The following ENOX2 variants were observed in gnomAD, a reference collection of about 807,000 sequenced individuals.
ENOX2 encodes the protein APK1 antigen.
In ENOX2, 36 loss-of-function variants were observed where a neutral mutation model predicts 45.0. That is an observed-to-expected ratio of 0.80 (90% CI 0.61 to 1.06). The LOEUF is 1.06. ENOX2 is among the 50% of genes least tolerant of loss of function. The pLI, the probability that ENOX2 is intolerant of heterozygous loss-of-function variation, is 0.00. For missense variants in ENOX2, 423 were observed against 462.5 expected, an observed-to-expected ratio of 0.91 and a Z score of 0.78; for synonymous variants, 174 against 152.3, an observed-to-expected ratio of 1.14 and a Z score of -1.05.
intron 2 of ENOX2, among the ~76,000 whole-genome samples, chrX:130,809,298 A>T (rs1198787889): frequency 8.9e-6 from 1 of 112,458 alleles, no homozygotes; most frequent in African/African-American, 3.2e-5. Flanking sequence ...CCACAATTTT[A>T]ACAAGTGTTA....
At chrX:130,854,863 G>C (rs2078279231) in intron 2 of ENOX2, among the ~76,000 whole-genome samples, 1 of 111,616 alleles carries the variant, frequency 9.0e-6, no homozygotes, top group African/African-American at 3.3e-5. Flanking sequence ...AAATTCAGCA[G>C]TGATTCACAA....
At chrX:130,818,482 T>C (rs915516516) in intron 2 of ENOX2, among the ~76,000 whole-genome samples, 4 of 111,923 alleles carry the variant, frequency 3.6e-5, no homozygotes, top group African/African-American at 1.3e-4. Flanking sequence ...GGCATCACGC[T>C]ACCTGACTTC....
rs780367909 is a variant in ENOX2, at chrX:130,896,204, A to G, written c.-183+5480T>C. 3.1e-3 allele frequency among the ~76,000 whole-genome samples: 343 copies of G among 111,683 alleles called. 1 individual carries two copies. The highest frequency in any genetic ancestry group is 1.0e-2 in the African/African-American group (307 of 30,762). ...CAGAAACCCTGGAAAAGCTGACACA[A>G]TCATAACTCTCACATCACCAGCAGG... is the stretch of plus-strand genomic sequence containing the variant. On this transcript the variant is annotated intron_variant, in intron 2 of 14. Coordinates refer to ENST00000394363, the MANE Select transcript of ENOX2 (RefSeq NM_006375.4).
chrX:130,859,365 A>C (rs1047367655), intron 2 of ENOX2, among the ~76,000 whole-genome samples: 18 of 112,345 alleles, frequency 1.6e-4, no homozygotes, highest in African/African-American at 5.8e-4. Context: ...AAACAAAAAA[A>C]CAAAAAAAAT....
At position 130,832,440 on chromosome X, in the gene ENOX2, TACACACACAC is replaced by T. The variant is rs61623401; in HGVS notation, c.-182-48760_-182-48751del. Among the ~76,000 whole-genome samples, 6 of 91,075 alleles carry T rather than the reference TACACACACAC, an allele frequency of 6.6e-5. No homozygotes were observed. The East Asian group carries it at 1.0e-3, about 16-fold the overall frequency. The allele number at this position is 91,075 out of a possible 115,157, so 79.1% of individuals were successfully genotyped here. Reference sequence around the variant, plus strand: ...CCTTACACACACACACACACACACATACACACACACACACACACACACACACACACCCCAC... The same window carrying T: ...CCTTACACACACACACACACACACATACACACACACACACACACACCCCAC... On this transcript the variant is annotated intron_variant, in intron 2 of 14. Coordinates refer to ENST00000394363, the MANE Select transcript of ENOX2 (RefSeq NM_006375.4).
chrX:130,745,103 C>T (rs1263738929), intron 3 of ENOX2, among the ~76,000 whole-genome samples: 5 of 111,390 alleles, frequency 4.5e-5, no homozygotes, highest in African/African-American at 6.5e-5. Flanking sequence ...AGGTTGCGGA[C>T]GGCTGTGCTA....
chrX:130,781,131 A>G (rs555096293), intron 3 of ENOX2, among the ~76,000 whole-genome samples: 1 of 112,341 alleles, frequency 8.9e-6, no homozygotes, highest in Admixed American at 9.4e-5. Flanking sequence ...AAAATTGTTC[A>G]AGTATAAATT....
chrX:130,860,058 C>T lies in ENOX2; in HGVS notation c.-183+41626G>A, dbSNP rs759074959. On this transcript the variant is annotated intron_variant, in intron 2 of 14. Transcript: ENST00000394363. ...GCAACCTCTGCCTCCTGGGATCAAGCGATTCTGTTGTGTCAGCCTCCTGAG... is the reference window on the plus strand; with the variant it reads ...GCAACCTCTGCCTCCTGGGATCAAGTGATTCTGTTGTGTCAGCCTCCTGAG... Among the ~76,000 whole-genome samples, 157 of 110,290 alleles carry T rather than the reference C, an allele frequency of 1.4e-3. 1 individual carries two copies. Among genetic ancestry groups the T allele is most frequent in the Non-Finnish European group, 2.7e-3 (140 of 52,773 alleles).
chrX:130,632,110 C>G (rs1479191646), intron 12 of ENOX2, among the ~76,000 whole-genome samples: 1 of 111,388 alleles, frequency 9.0e-6, no homozygotes, highest in Non-Finnish European at 1.9e-5. Context: ...TGCCAATCCA[C>G]TGATAGTGAA....
intron 2 of ENOX2, among the ~76,000 whole-genome samples, chrX:130,857,224 G>A (rs1342100258): frequency 1.8e-5 from 2 of 112,421 alleles, no homozygotes; most frequent in Non-Finnish European, 3.8e-5. Context: ...AGCATAGAGT[G>A]TATGATCCCA....
At position 130,901,119 on chromosome X, in the gene ENOX2, C is replaced by T. The variant is rs758199253; in HGVS notation, c.-183+565G>A. The stretch of plus-strand genomic sequence containing the variant: ...ATGACAGTTAATTTGGTTTTGGCAG[C>T]TACTTTACAGCAAATACATTCTGAC... On this transcript the variant is annotated intron_variant, in intron 2 of 14. Transcript: ENST00000394363. 1.7e-4 allele frequency among the ~76,000 whole-genome samples: 19 copies of T among 112,645 alleles called. No homozygotes were observed. The Admixed American group carries it at 1.8e-3, about 11-fold the overall frequency.
intron 13 of ENOX2, among the ~76,000 whole-genome samples, chrX:130,631,184 C>G (rs752407611): frequency 3.6e-5 from 4 of 111,102 alleles, no homozygotes; most frequent in South Asian, 7.7e-4. Flanking sequence ...TAAAAAAAAT[C>G]TACAGTGTGT....
At chrX:130,886,555 A>G (rs1248300662) in intron 2 of ENOX2, among the ~76,000 whole-genome samples, 1 of 112,381 alleles carries the variant, frequency 8.9e-6, no homozygotes, top group Non-Finnish European at 1.9e-5. Context: ...TGAAAGCTTA[A>G]GAGAATACTT....
chrX:130,831,926 A>G (rs781553468), intron 2 of ENOX2, among the ~76,000 whole-genome samples: 1 of 111,277 alleles, frequency 9.0e-6, no homozygotes, highest in South Asian at 3.8e-4. Context: ...ATCTGGGACA[A>G]TGCTATTTAA....
chrX:130,871,045 A>G (rs2078577314), intron 2 of ENOX2, among the ~76,000 whole-genome samples: 1 of 111,172 alleles, frequency 9.0e-6, no homozygotes, highest in African/African-American at 3.3e-5. Flanking sequence ...AGTCGTTATG[A>G]GAAAGAGCCA....
intron 2 of ENOX2, among the ~76,000 whole-genome samples, chrX:130,892,933 G>A (rs892057861): frequency 8.9e-6 from 1 of 112,390 alleles, no homozygotes; most frequent in African/African-American, 3.2e-5. Flanking sequence ...GTTCATTGTA[G>A]AATCTAAATG....
rs979708939 is a variant in ENOX2 at position 130,825,537 on chromosome X, C to T, written c.-182-41847G>A. ...TGGTGAGTATAACTGTACGGTAGTT[C>T]TCCCTTAACTGCAGTTTTGCTTTCC... On this transcript the variant is annotated intron_variant, in intron 2 of 14. Coordinates refer to ENST00000394363, the MANE Select transcript of ENOX2 (RefSeq NM_006375.4). Among the ~76,000 whole-genome samples, 9 of 111,860 alleles carry T rather than the reference C, an allele frequency of 8.0e-5. No individual in the cohort carries two copies. The South Asian group carries it at 2.3e-3, about 28-fold the overall frequency.
chrX:130,682,765 C>T (rs902547760), intron 5 of ENOX2, among the ~76,000 whole-genome samples: 1 of 110,733 alleles, frequency 9.0e-6, no homozygotes, highest in African/African-American at 3.3e-5. Context: ...TAGAAAGCCT[C>T]TTTAATAGCA....
chrX:130,830,139 T>G (rs950653480), intron 2 of ENOX2, among the ~76,000 whole-genome samples: 7 of 111,114 alleles, frequency 6.3e-5, no homozygotes, highest in Non-Finnish European at 1.3e-4. Context: ...GATGCACTCA[T>G]GTAACAAAAT....
Sources: gnomAD v4.1 joint callset for allele counts (sites outside exome capture counted in the v4.1 genomes callset) on GRCh38, gnomAD v4.1.1 for gene constraint, MANE v1.5 for transcripts, NCBI Gene and HGNC (gene_info 2026-07-23, HGNC 2026-07-21) for gene names.